Variants in ARFGEF2 observed in about 807,000 individuals in gnomAD.
ARFGEF2 encodes ARF guanine nucleotide exchange factor 2, also known as brefeldin A-inhibited guanine nucleotide-exchange protein 2.
ARFGEF2 carries 74 observed loss-of-function variants against 219.9 expected under a neutral mutation model. The ratio of observed to expected loss-of-function variants is 0.34; its 90% CI spans 0.28 to 0.41. The LOEUF is 0.41. Ranked by LOEUF, ARFGEF2 falls within the 10% of genes least tolerant of loss-of-function variation. The probability of loss-of-function intolerance (pLI) is 1.00; values close to 1 mark genes in which losing one functional copy is unlikely to be tolerated. For missense variants in ARFGEF2, 1,743 were observed against 2,218.3 expected, an observed-to-expected ratio of 0.79 and a Z score of 4.30; for synonymous variants, 733 against 799.2, an observed-to-expected ratio of 0.92 and a Z score of 1.40.
At chr20:48,941,332 CAG>C in intron 2 of ARFGEF2, 103 bp downstream of exon 2, 1 of 1,228,626 alleles carries the variant, frequency 8.1e-7, no homozygotes, top group Admixed American at 1.9e-5. Context: ...TTCTAATCCT[CAG>C]GGGTGGCACA....
At chr20:48,960,086 C>G (rs118101382) in intron 6 of ARFGEF2, among the ~76,000 whole-genome samples, 679 of 152,286 alleles carry the variant, frequency 4.5e-3, no homozygotes, top group Non-Finnish European at 7.8e-3. Flanking sequence ...TAGGCAGTTT[C>G]ACTGTTTTGC....
chr20:49,023,784 C>T (rs1294129931), intron 35 of ARFGEF2, among the ~76,000 whole-genome samples: 17 of 152,042 alleles, frequency 1.1e-4, no homozygotes, highest in African/African-American at 2.9e-4. Context: ...GTGATCCGCC[C>T]GCCTCGGCCT....
chr20:49,032,223 T>A (rs1396927383), intron 38 of ARFGEF2, 57 bp downstream of exon 38: 2 of 1,291,072 alleles, frequency 1.5e-6, no homozygotes, highest in Non-Finnish European at 2.3e-6. Flanking sequence ...TGGGTTGGCT[T>A]TTTACTCAAG....
At chr20:48,948,247 C>G (rs1309988077) in intron 3 of ARFGEF2, among the ~76,000 whole-genome samples, 1 of 152,104 alleles carries the variant, frequency 6.6e-6, no homozygotes, top group East Asian at 1.9e-4. Context: ...AGTGATATCA[C>G]TTGTACAAGT....
At chr20:48,923,596 C>T (rs1327599310) in intron 1 of ARFGEF2, among the ~76,000 whole-genome samples, 1 of 152,154 alleles carries the variant, frequency 6.6e-6, no homozygotes, top group Admixed American at 6.5e-5. Context: ...GGTATTTTAT[C>T]AGCAATGTGG....
chr20:49,031,731 G>A (rs2091635731), intron 37 of ARFGEF2, among the ~76,000 whole-genome samples: 1 of 151,774 alleles, frequency 6.6e-6, no homozygotes, highest in Non-Finnish European at 1.5e-5. Flanking sequence ...CCTGGGCAAC[G>A]TGGTGAAACC....
chr20:48,995,625 CTTTAAT>C (rs2091381148), intron 22 of ARFGEF2, among the ~76,000 whole-genome samples, 152 bp from the exon 23 acceptor site: 1 of 152,150 alleles, frequency 6.6e-6, no homozygotes, highest in African/African-American at 2.4e-5. Context: ...CAAAACAAAA[CTTTAAT>C]TTTATCATCA....
chr20:49,031,936 A>G, intron 37 of ARFGEF2, 113 bp from the exon 38 acceptor site: 1 of 909,530 alleles, frequency 1.1e-6, no homozygotes, highest in Admixed American at 1.9e-5. Flanking sequence ...AAAAGTAATT[A>G]AAAAAAACAT....
intron 4 of ARFGEF2, among the ~76,000 whole-genome samples, chr20:48,951,795 A>G (rs922097775): frequency 1.3e-5 from 2 of 152,136 alleles, no homozygotes; most frequent in African/African-American, 4.8e-5. Context: ...TGATATTCTT[A>G]TCTCTGACTT....
Position 48,973,259 on chromosome 20 carries a change from A to G in ARFGEF2, c.1640A>G (p.His547Arg), listed in dbSNP as rs759855002. 2 of 1,614,206 alleles carry G rather than the reference A, an allele frequency of 1.2e-6. No homozygotes were observed. Among genetic ancestry groups the G allele is most frequent in the Non-Finnish European group, 1.7e-6 (2 of 1,180,022 alleles). ...LSKIAQGRSG[H>R]ELGMTPLQEL... ...AAAATTGCTCAGGGAAGAAGTGGACATGAGCTGGGAATGACACCTCTGCAG... is the reference window on the plus strand; with the variant it reads ...AAAATTGCTCAGGGAAGAAGTGGACGTGAGCTGGGAATGACACCTCTGCAG... The change falls in exon 12 of 39, where the codon CAT (histidine) becomes CGT (arginine). Residue 547 changes from histidine (H) to arginine (R), a missense_variant. Around this residue, in one of 5 missense-constraint regions of ARFGEF2, gnomAD observed 666 missense variants for 955.4 expected, o/e 0.70. Transcript: ENST00000371917.
Position 48,991,072 on chromosome 20 carries a change from T to A in ARFGEF2, c.2847T>A (p.Ala949=), listed in dbSNP as rs752617244. 1.2e-6 allele frequency: 2 copies of A among 1,614,160 alleles called. No individual in the cohort carries two copies. Among genetic ancestry groups the A allele is most frequent in the Non-Finnish European group, 1.7e-6 (2 of 1,180,026 alleles). ...GAGATGCCTATGTTCAGGCTCTTGC[T>A]CGCTTCTCCCTACTCACAGCCAGCT... The part of the protein sequence containing the change: ...LERDAYVQAL[A]RFSLLTASSS... The change falls in exon 21 of 39, where the codon GCT becomes GCA. Residue 949 remains alanine, a synonymous_variant. Transcript: ENST00000371917.
At chr20:48,999,247 A>C (rs1490919343) in intron 25 of ARFGEF2, 2 of 453,838 alleles carry the variant, frequency 4.4e-6, no homozygotes, top group Admixed American at 4.7e-5. Context: ...CAGAAAAAAA[A>C]ATTAATAATT....
intron 3 of ARFGEF2, 69 bp from the exon 4 acceptor site, chr20:48,951,254 T>A: frequency 6.3e-7 from 1 of 1,585,932 alleles, no homozygotes; most frequent in East Asian, 2.3e-5. Flanking sequence ...TTTGCTCTTG[T>A]GGGCTGCCAC....
intron 1 of ARFGEF2, among the ~76,000 whole-genome samples, chr20:48,939,078 G>T (rs1368159004): frequency 6.6e-6 from 1 of 151,024 alleles, no homozygotes. Flanking sequence ...GGGTTCAAGC[G>T]ATTCTCCTGC....
In ARFGEF2 at chr20:48,998,396, C is replaced by T. The variant is rs767791225; in HGVS notation, c.3323C>T (p.Pro1108Leu). The T allele has an allele frequency of 1.3e-5, 21 of 1,614,036 alleles. No homozygotes were observed. The South Asian group carries it at 2.1e-4, about 16-fold the overall frequency. ...GATGAACTGGCTTCCCCCCACCATC[C>T]TCGCATGTTCAGCTTGCAGAAGATT... ...SMDELASPHHPRMFSLQKIVE... is the reference protein window; with the variant it reads ...SMDELASPHHLRMFSLQKIVE... The change falls in exon 25 of 39, where the codon CCT becomes CTT. Residue 1108 changes from proline to leucine, a missense_variant. Physicochemically the swap from Pro to Leu is moderately conservative, Grantham distance 98 (BLOSUM62 -3). Coordinates refer to ENST00000371917, the MANE Select transcript of ARFGEF2 (RefSeq NM_006420.3).
intron 21 of ARFGEF2, among the ~76,000 whole-genome samples, chr20:48,992,730 G>C (rs2091364231): frequency 6.6e-6 from 1 of 152,168 alleles, no homozygotes; most frequent in Non-Finnish European, 1.5e-5. Context: ...TCACAACTCT[G>C]AGTAGTCCAT....
intron 2 of ARFGEF2, 125 bp from the exon 3 acceptor site, chr20:48,941,739 A>T: frequency 1.4e-6 from 2 of 1,435,940 alleles, no homozygotes; most frequent in Non-Finnish European, 9.7e-7. Flanking sequence ...TTCAACTTTT[A>T]ATGCCTAGCC....
chr20:48,978,309 A>G (rs978985938), intron 14 of ARFGEF2, among the ~76,000 whole-genome samples: 5 of 151,558 alleles, frequency 3.3e-5, no homozygotes, highest in African/African-American at 1.2e-4. Context: ...ATTTCTGAGG[A>G]CTCTGTGCTG....
Position 49,035,343 on chromosome 20 carries a change from T to C in ARFGEF2, c.*2144T>C, listed in dbSNP as rs1324859973. Reference sequence around the variant, plus strand: ...TATTACTTGCTGAAACATTCAGGCTTACATTTCTTATTAGTTTAGTATTTT... The same window carrying C: ...TATTACTTGCTGAAACATTCAGGCTCACATTTCTTATTAGTTTAGTATTTT... On this transcript the variant is annotated 3_prime_UTR_variant, in exon 39 of 39. Coordinates refer to ENST00000371917, the MANE Select transcript of ARFGEF2 (RefSeq NM_006420.3). The C allele has an allele frequency of 6.6e-6, 1 of 152,218 alleles. No homozygotes were observed. Among genetic ancestry groups the C allele is most frequent in the Non-Finnish European group, 1.5e-5 (1 of 68,040 alleles). The allele number at this position is 152,218 out of a possible 1,614,324, so 9.4% of individuals were successfully genotyped here. A position where few individuals can be genotyped will look rare whatever the true frequency, so the allele number is the denominator to read the frequency against.
Sources: allele counts gnomAD v4.1 joint callset (sites outside exome capture counted in the v4.1 genomes callset), GRCh38; gene constraint gnomAD v4.1.1; regional missense constraint gnomAD v4.1.1; transcripts MANE v1.5; gene names NCBI Gene and HGNC (gene_info 2026-07-23, HGNC 2026-07-21).